The following NKAIN2 variants were observed in gnomAD, a reference collection of about 807,000 sequenced individuals.
The protein encoded by NKAIN2 is sodium/potassium transporting ATPase interacting 2, also known as sodium/potassium-transporting ATPase subunit beta-1-interacting protein 2.
NKAIN2 carries 14 observed loss-of-function variants against 32.6 expected under a neutral mutation model. That is an observed-to-expected ratio of 0.43 (90% confidence interval 0.28 to 0.67). The LOEUF (loss-of-function observed/expected upper bound fraction) is 0.67. Among genes scored for constraint, NKAIN2 ranks in the 30% least tolerant of loss-of-function variants. NKAIN2 has a pLI of 0.17. For missense variants in NKAIN2, 198 were observed against 258.3 expected (o/e 0.77, Z 1.60); for synonymous variants, 80 against 87.2 (o/e 0.92, Z 0.46).
chr6:124,669,233 T>TGG (rs1772972155), intron 4 of NKAIN2, among the ~76,000 whole-genome samples: 2 of 152,084 alleles, frequency 1.3e-5, no homozygotes, highest in Non-Finnish European at 2.9e-5. Context: ...TTCAACTGCT[T>TGG]AGAGTTAGAA....
intron 3 of NKAIN2, among the ~76,000 whole-genome samples, chr6:124,440,070 AAGT>A (rs1262882724): frequency 6.6e-6 from 1 of 152,076 alleles, no homozygotes; most frequent in Non-Finnish European, 1.5e-5. Flanking sequence ...ATTGGACAAG[AAGT>A]CTAGACATTT....
chr6:124,663,957 G>A lies in NKAIN2; in HGVS notation c.474+5571G>A, dbSNP rs908342900. Among the ~76,000 whole-genome samples the A allele has an allele frequency of 2.0e-5, 3 of 152,096 alleles. 1 individual carries two copies. The highest frequency in any genetic ancestry group is 7.2e-5 in the African/African-American group (3 of 41,416). On this transcript the variant is annotated intron_variant, in intron 4 of 6. Transcript: ENST00000368417. Reference sequence around the variant, plus strand: ...AAACCTTAAGGAGAAAAAAAACCTAGAAATTGAATCGTCCTTAATTCTGTC... The same window carrying A: ...AAACCTTAAGGAGAAAAAAAACCTAAAAATTGAATCGTCCTTAATTCTGTC...
intron 1 of NKAIN2, among the ~76,000 whole-genome samples, chr6:123,977,868 C>T (rs1382356355): frequency 2.0e-5 from 3 of 152,086 alleles, no homozygotes; most frequent in Non-Finnish European, 4.4e-5. Context: ...GATGAAAGCA[C>T]GTATTCATAC....
intron 1 of NKAIN2, among the ~76,000 whole-genome samples, chr6:123,955,943 T>A (rs1038461744): frequency 6.6e-6 from 1 of 152,168 alleles, no homozygotes; most frequent in African/African-American, 2.4e-5. Context: ...TAAACATTAA[T>A]ATTTAAAAGC....
At chr6:124,051,101 A>T (rs570886984) in intron 1 of NKAIN2, among the ~76,000 whole-genome samples, 22 of 152,206 alleles carry the variant, frequency 1.4e-4, no homozygotes, top group African/African-American at 5.3e-4. Flanking sequence ...TTTTAAGTGA[A>T]TTCCTGTGGC....
chr6:124,712,968 T>C (rs1479855708), intron 4 of NKAIN2, among the ~76,000 whole-genome samples: 2 of 152,156 alleles, frequency 1.3e-5, no homozygotes, highest in Non-Finnish European at 2.9e-5. Context: ...GTTTTTTTTC[T>C]CAGTTATAGT....
intron 3 of NKAIN2, among the ~76,000 whole-genome samples, chr6:124,358,174 A>G (rs11154225): frequency 0.15 from 22,499 of 152,130 alleles, 2,150 homozygotes; most frequent in Admixed American, 0.27. Context: ...CCAGTCTATC[A>G]TTGTTGGACA....
At chr6:124,463,511 C>A (rs553351727) in intron 3 of NKAIN2, among the ~76,000 whole-genome samples, 2 of 152,204 alleles carry the variant, frequency 1.3e-5, no homozygotes, top group South Asian at 4.1e-4. Flanking sequence ...GTTCCAGCCA[C>A]TGTTGTTTTC....
At chr6:124,668,583 AC>A (rs1391559968) in intron 4 of NKAIN2, among the ~76,000 whole-genome samples, 1 of 152,094 alleles carries the variant, frequency 6.6e-6, no homozygotes, top group East Asian at 1.9e-4. Flanking sequence ...TTCAACTCAT[AC>A]GCATTCTAAT....
At chr6:124,379,189 A>AG (rs1800140312) in intron 3 of NKAIN2, among the ~76,000 whole-genome samples, 1 of 2,974 alleles carries the variant, frequency 3.4e-4, no homozygotes, top group African/African-American at 1.4e-3. Context: ...AGAGGAGGGG[A>AG]GGGAGGGAAA....
chr6:123,855,644 A>G (rs1187882796), intron 1 of NKAIN2, among the ~76,000 whole-genome samples: 1 of 152,200 alleles, frequency 6.6e-6, no homozygotes, highest in Non-Finnish European at 1.5e-5. Flanking sequence ...TGTGCTGCAC[A>G]TGCCATGTCT....
intron 3 of NKAIN2, among the ~76,000 whole-genome samples, chr6:124,371,380 ATTAATTCCATTGTTTT>A (rs1307956599): frequency 6.6e-6 from 1 of 152,008 alleles, no homozygotes; most frequent in Non-Finnish European, 1.5e-5. Context: ...TCCATTGTTT[ATTAATTCCATTGTTTT>A]TTAACAGTGT....
chr6:123,889,661 A>C (rs937220868), intron 1 of NKAIN2, among the ~76,000 whole-genome samples: 2 of 152,180 alleles, frequency 1.3e-5, no homozygotes, highest in Non-Finnish European at 2.9e-5. Context: ...CTTTTGTTGA[A>C]GTAATAGTTT....
chr6:124,137,082 C>A (rs1361525919), intron 1 of NKAIN2, among the ~76,000 whole-genome samples: 1 of 151,972 alleles, frequency 6.6e-6, no homozygotes, highest in Non-Finnish European at 1.5e-5. Flanking sequence ...TCACTGTTTG[C>A]TGATATTATT....
intron 3 of NKAIN2, among the ~76,000 whole-genome samples, chr6:124,603,022 C>T (rs1782367497): frequency 6.6e-6 from 1 of 151,946 alleles, no homozygotes; most frequent in Non-Finnish European, 1.5e-5. Context: ...ATTACACAGC[C>T]TCATGCTTTG....
intron 1 of NKAIN2, among the ~76,000 whole-genome samples, chr6:123,931,215 C>A (rs1413225155): frequency 6.6e-6 from 1 of 151,824 alleles, no homozygotes; most frequent in Non-Finnish European, 1.5e-5. Context: ...CTCTTCTTCT[C>A]ATTTACATAG....
intron 1 of NKAIN2, among the ~76,000 whole-genome samples, chr6:124,056,665 G>A (rs1309335211): frequency 2.6e-5 from 4 of 151,962 alleles, no homozygotes; most frequent in African/African-American, 4.8e-5. Flanking sequence ...TTAAATAATA[G>A]CATGAAAGGC....
At chr6:123,919,455 T>G (rs909330954) in intron 1 of NKAIN2, among the ~76,000 whole-genome samples, 1 of 152,176 alleles carries the variant, frequency 6.6e-6, no homozygotes, top group African/African-American at 2.4e-5. Context: ...TACTATTAAC[T>G]GCAATGTATC....
intron 1 of NKAIN2, among the ~76,000 whole-genome samples, chr6:123,996,004 A>G (rs1779608057): frequency 6.6e-6 from 1 of 152,134 alleles, no homozygotes. Context: ...ATAGATGGGA[A>G]TGTTTCATTT....
Sources: gnomAD v4.1 joint callset for allele counts (sites outside exome capture counted in the v4.1 genomes callset) on GRCh38, gnomAD v4.1.1 for gene constraint, MANE v1.5 for transcripts, NCBI Gene and HGNC (gene_info 2026-07-23, HGNC 2026-07-21) for gene names.